Variants in ZBTB16 observed in about 807,000 individuals in gnomAD.
ZBTB16 encodes zinc finger and BTB domain-containing protein 16.
In ZBTB16, 8 loss-of-function variants were observed where a neutral mutation model predicts 56.8. The ratio of observed to expected loss-of-function variants is 0.14; its 90% CI spans 0.08 to 0.25. The LOEUF is 0.25. ZBTB16 is among the 10% of genes least tolerant of loss of function. The pLI, the probability that ZBTB16 is intolerant of heterozygous loss-of-function variation, is 1.00. For missense variants in ZBTB16, 625 were observed against 903.0 expected (o/e 0.69, Z 3.95); for synonymous variants, 363 against 368.5 (o/e 0.98, Z 0.17).
At position 114,251,496 on chromosome 11, in the gene ZBTB16, C is replaced by T. The variant is rs1215869159; in HGVS notation, c.*941C>T. ...CCACAGTCCCTACGTAGCCCTACTT[C>T]AGTCCCAGGAGAAGGAATCCATGAA... On this transcript the variant is annotated 3_prime_UTR_variant, in exon 7 of 7. Coordinates refer to ENST00000335953, the MANE Select transcript of ZBTB16 (RefSeq NM_006006.6). Among the ~76,000 whole-genome samples, 3 of 152,254 alleles carry T rather than the reference C, an allele frequency of 2.0e-5. No homozygotes were observed. In the East Asian group the frequency reaches 5.8e-4, roughly 29 times the overall value.
At chr11:114,214,166 AC>A (rs1944048092) in intron 4 of ZBTB16, among the ~76,000 whole-genome samples, 1 of 151,822 alleles carries the variant, frequency 6.6e-6, no homozygotes, top group Admixed American at 6.6e-5. Flanking sequence ...TCATGTCTGG[AC>A]CCCCATAGTA....
intron 4 of ZBTB16, among the ~76,000 whole-genome samples, chr11:114,233,075 GCGCGCGCACACACACACACACA>G (rs1309879151): frequency 2.8e-5 from 1 of 35,696 alleles, no homozygotes; most frequent in Non-Finnish European, 5.9e-5. Flanking sequence ...ATGCGCGCGC[GCGCGCGCACACACACACACACA>G]CACACACACA....
intron 2 of ZBTB16, among the ~76,000 whole-genome samples, chr11:114,139,017 T>G (rs1043231090): frequency 3.3e-5 from 5 of 152,136 alleles, no homozygotes; most frequent in African/African-American, 1.2e-4. Context: ...CAAGGCTCCT[T>G]ACTCATTTCC....
chr11:114,216,001 T>G (rs1052363534), intron 4 of ZBTB16, among the ~76,000 whole-genome samples: 1 of 151,916 alleles, frequency 6.6e-6, no homozygotes, highest in Non-Finnish European at 1.5e-5. Flanking sequence ...AGGGTAGGGG[T>G]GTGGGAGCGT....
At chr11:114,234,918 C>T (rs1430065700) in intron 4 of ZBTB16, among the ~76,000 whole-genome samples, 3 of 152,134 alleles carry the variant, frequency 2.0e-5, no homozygotes, top group Non-Finnish European at 4.4e-5. Flanking sequence ...AAGGAAAAGG[C>T]GTCAGTTTAT....
intron 2 of ZBTB16, among the ~76,000 whole-genome samples, chr11:114,068,863 C>T (rs1296197007): frequency 2.0e-5 from 3 of 152,144 alleles, no homozygotes; most frequent in Non-Finnish European, 4.4e-5. Flanking sequence ...CGTACATATG[C>T]GATAAGATTG....
intron 3 of ZBTB16, among the ~76,000 whole-genome samples, chr11:114,171,566 G>A (rs1169870215): frequency 6.6e-6 from 1 of 152,124 alleles, no homozygotes; most frequent in Non-Finnish European, 1.5e-5. Flanking sequence ...TCCCGATATA[G>A]CCCCCGGCCC....
chr11:114,221,124 C>G (rs1378654897), intron 4 of ZBTB16, among the ~76,000 whole-genome samples: 1 of 152,228 alleles, frequency 6.6e-6, no homozygotes, highest in Non-Finnish European at 1.5e-5. Context: ...GTGCTAGTTC[C>G]TTTTCCCTTC....
At chr11:114,073,813 T>C (rs1939440038) in intron 2 of ZBTB16, among the ~76,000 whole-genome samples, 1 of 152,192 alleles carries the variant, frequency 6.6e-6, no homozygotes, top group African/African-American at 2.4e-5. Context: ...AGTTCTTTCC[T>C]CTTTAGGGCC....
rs2135141083 is a variant in ZBTB16, at chr11:114,216,369, G to A, written c.1454-25798G>A. 1.3e-5 allele frequency among the ~76,000 whole-genome samples: 2 copies of A among 152,310 alleles called. 1 individual carries two copies. The highest frequency in any genetic ancestry group is 4.1e-4 in the South Asian group (2 of 4,828). The stretch of plus-strand genomic sequence containing the variant: ...GCCTTGTGCTCAGACTGGCTGGTGG[G>A]CCATCTTCTGCCTTGTCCCACCCTT... On this transcript the variant is annotated intron_variant, in intron 4 of 6. Transcript: ENST00000335953.
At chr11:114,209,671 T>A in intron 4 of ZBTB16, 1 of 985,328 alleles carries the variant, frequency 1.0e-6, no homozygotes, top group Non-Finnish European at 1.2e-6. Context: ...AAGAGAAAAA[T>A]TAACTGTTGG....
At chr11:114,128,740 A>G (rs903535261) in intron 2 of ZBTB16, among the ~76,000 whole-genome samples, 2 of 152,052 alleles carry the variant, frequency 1.3e-5, no homozygotes, top group African/African-American at 4.8e-5. Flanking sequence ...CTGGCCATTG[A>G]AGGCCTGGGT....
Position 114,242,212 on chromosome 11 carries a change from A to T in ZBTB16, c.1499A>T (p.Gln500Leu). ...TGTCTGCTGTGTGGGAAGCGCTTCC[A>T]GGCGCAGAGCGCACTGCAGCAGCAC... ...VFCLLCGKRF[Q>L]AQSALQQHME... is the part of the protein sequence containing the mutation. Residue 500 changes from glutamine to leucine, a missense_variant, in exon 5 of 7, where the codon CAG becomes CTG. Coordinates refer to ENST00000335953, the MANE Select transcript of ZBTB16 (RefSeq NM_006006.6). 1 of 1,613,878 alleles carries T rather than the reference A, an allele frequency of 6.2e-7. No individual in the cohort carries two copies. Among genetic ancestry groups the T allele is most frequent in the Non-Finnish European group, 8.5e-7 (1 of 1,179,950 alleles).
chr11:114,129,827 A>G (rs887141832), intron 2 of ZBTB16, among the ~76,000 whole-genome samples: 16 of 151,986 alleles, frequency 1.1e-4, no homozygotes, highest in African/African-American at 3.6e-4. Flanking sequence ...TCATTTTTCT[A>G]TTTGCAGCCA....
At chr11:114,126,823 C>T (rs531117381) in intron 2 of ZBTB16, among the ~76,000 whole-genome samples, 14 of 152,252 alleles carry the variant, frequency 9.2e-5, no homozygotes, top group Admixed American at 2.6e-4. Flanking sequence ...CCTTGACCTA[C>T]GAGGGGCCAT....
At chr11:114,086,585 G>C (rs1939964992) in intron 2 of ZBTB16, among the ~76,000 whole-genome samples, 1 of 152,174 alleles carries the variant, frequency 6.6e-6, no homozygotes, top group Non-Finnish European at 1.5e-5. Flanking sequence ...TGAATACATA[G>C]TAGGTACTCA....
At chr11:114,148,471 CTT>C (rs1942196595) in intron 2 of ZBTB16, among the ~76,000 whole-genome samples, 31 of 106,890 alleles carry the variant, frequency 2.9e-4, no homozygotes, top group African/African-American at 1.2e-3. Flanking sequence ...CTCTCTCTCT[CTT>C]TCTTTCTTTC....
chr11:114,074,999 G>A (rs1370489918), intron 2 of ZBTB16, among the ~76,000 whole-genome samples: 18 of 152,198 alleles, frequency 1.2e-4, no homozygotes, highest in African/African-American at 4.1e-4. Flanking sequence ...TGTTGTGAGC[G>A]TATGTGCCTA....
chr11:114,229,082 G>A (rs554885951), intron 4 of ZBTB16, among the ~76,000 whole-genome samples: 93 of 152,290 alleles, frequency 6.1e-4, no homozygotes, highest in South Asian at 2.1e-4. Context: ...GAAGTCAAAC[G>A]TCTCAAAGTC....
Sources: gnomAD v4.1 joint callset for allele counts (sites outside exome capture counted in the v4.1 genomes callset) on GRCh38, gnomAD v4.1.1 for gene constraint, MANE v1.5 for transcripts, NCBI Gene and HGNC (gene_info 2026-07-23, HGNC 2026-07-21) for gene names.